TENM4: variants seen among roughly 807,000 people sequenced by gnomAD.
TENM4 encodes teneurin transmembrane protein 4, also known as teneurin-4.
In TENM4, 82 loss-of-function variants were observed where a neutral mutation model predicts 243.3. The observed-to-expected ratio is 0.34, with a 90% CI of 0.28 to 0.40. The LOEUF (loss-of-function observed/expected upper bound fraction) is 0.40, where lower values mean the gene tolerates loss of function less well. Ranked by LOEUF, TENM4 falls within the 10% of genes least tolerant of loss-of-function variation. TENM4 has a pLI of 1.00. For synonymous variants in TENM4, 1,412 were observed against 1,456.3 expected (o/e 0.97, Z 0.69); for missense variants, 3,138 against 3,673.3 (o/e 0.85, Z 3.77).
intron 3 of TENM4, among the ~76,000 whole-genome samples, chr11:79,210,110 T>G (rs901408393): frequency 6.6e-6 from 1 of 152,190 alleles, no homozygotes; most frequent in African/African-American, 2.4e-5. Context: ...TTACTCAATA[T>G]TTACATAGGA....
intron 3 of TENM4, among the ~76,000 whole-genome samples, chr11:79,192,234 C>T (rs1039846810): frequency 4.6e-5 from 7 of 152,162 alleles, no homozygotes; most frequent in African/African-American, 1.7e-4. Flanking sequence ...TGAGGAGCCC[C>T]TCTGCCCGGC....
intron 1 of TENM4, among the ~76,000 whole-genome samples, chr11:79,308,251 G>C (rs1352364875): frequency 6.6e-6 from 1 of 152,172 alleles, no homozygotes; most frequent in Non-Finnish European, 1.5e-5. Flanking sequence ...TCAGAGAAAT[G>C]TTTCTAAATT....
intron 12 of TENM4, among the ~76,000 whole-genome samples, chr11:78,842,189 C>A (rs1294370830): frequency 6.6e-6 from 1 of 152,226 alleles, no homozygotes; most frequent in African/African-American, 2.4e-5. Flanking sequence ...AGCTCAACAA[C>A]TAACTTCCCC....
rs1019333037 is a variant in TENM4, at chr11:79,440,065, G to A, written c.-321+444C>T. 6.6e-6 allele frequency among the ~76,000 whole-genome samples: 1 copy of A among 152,138 alleles called. No homozygotes were observed. The highest frequency in any genetic ancestry group is 6.5e-5 in the Admixed American group (1 of 15,288). On this transcript the variant is annotated intron_variant, in intron 1 of 33. Coordinates refer to ENST00000278550, the MANE Select transcript of TENM4 (RefSeq NM_001098816.3). The surrounding 1 kb of genome is among the most constrained non-coding windows in gnomAD (Gnocchi z 4.7). ...CCCCGCAGGGCAGGCTGCAGCCGCTGAAGCCCGGCGCCGCCTCGCGGGCTC... is the reference window on the plus strand; with the variant it reads ...CCCCGCAGGGCAGGCTGCAGCCGCTAAAGCCCGGCGCCGCCTCGCGGGCTC...
chr11:79,306,122 A>G (rs1223680902), intron 1 of TENM4, among the ~76,000 whole-genome samples: 1 of 152,206 alleles, frequency 6.6e-6, no homozygotes, highest in Non-Finnish European at 1.5e-5. Context: ...AGTCCAATTA[A>G]TTCAATTCCA....
At chr11:79,322,340 T>C (rs1306251451) in intron 1 of TENM4, among the ~76,000 whole-genome samples, 1 of 152,212 alleles carries the variant, frequency 6.6e-6, no homozygotes, top group Non-Finnish European at 1.5e-5. Context: ...TATTCTACTG[T>C]TGCTGTCATT....
At chr11:79,337,757 A>G (rs1156999114) in intron 1 of TENM4, among the ~76,000 whole-genome samples, 2 of 152,198 alleles carry the variant, frequency 1.3e-5, no homozygotes, top group African/African-American at 4.8e-5. Flanking sequence ...TGGACTCTCA[A>G]AAAGATCTCT....
At chr11:79,289,481 C>T (rs1856317535) in intron 2 of TENM4, among the ~76,000 whole-genome samples, 1 of 152,250 alleles carries the variant, frequency 6.6e-6, no homozygotes, top group African/African-American at 2.4e-5. Flanking sequence ...ACAGCTGTCA[C>T]TGCAGTGGGC....
In TENM4 at chr11:78,955,874, C is replaced by T. The variant is rs368205791; in HGVS notation, c.494-52351G>A. Among the ~76,000 whole-genome samples, 25 of 152,272 alleles carry T rather than the reference C, an allele frequency of 1.6e-4. No individual in the cohort carries two copies. The South Asian group carries it at 4.4e-3, about 27-fold the overall frequency. ...CCCCTGTGAGGTTGTCACCACTGCC[C>T]TCAATGCGGGGCCATAATGGTCTGC... On this transcript the variant is annotated intron_variant, in intron 6 of 33. Transcript: ENST00000278550.
Position 79,167,997 on chromosome 11 carries a change from A to G in TENM4, c.-162-19191T>C, listed in dbSNP as rs147332838. ...TTCCCTGTGCAGACTCTCACCCTAG[A>G]CAGTGCCAAGGATGGAAAAAGCATC... On this transcript the variant is annotated intron_variant, in intron 3 of 33. Coordinates refer to ENST00000278550, the MANE Select transcript of TENM4 (RefSeq NM_001098816.3). Among the ~76,000 whole-genome samples the G allele has an allele frequency of 7.2e-4, 110 of 152,336 alleles. 1 individual carries two copies. The highest frequency in any genetic ancestry group is 2.5e-3 in the African/African-American group (105 of 41,586).
intron 15 of TENM4, among the ~76,000 whole-genome samples, chr11:78,800,557 T>C (rs1857260559): frequency 6.6e-6 from 1 of 152,138 alleles, no homozygotes; most frequent in Admixed American, 6.5e-5. Flanking sequence ...TGTGCTGGGA[T>C]CTTCCTGGAC....
intron 6 of TENM4, among the ~76,000 whole-genome samples, chr11:79,034,421 C>T (rs1859324314): frequency 6.6e-6 from 1 of 152,130 alleles, no homozygotes; most frequent in Non-Finnish European, 1.5e-5. Context: ...AAGGCGCAAT[C>T]CTTATTAACC....
chr11:78,668,785 TG>T (rs1225600417), intron 32 of TENM4, among the ~76,000 whole-genome samples, 151 bp downstream of exon 32: 1 of 152,216 alleles, frequency 6.6e-6, no homozygotes, highest in Non-Finnish European at 1.5e-5. Context: ...TCTGAACTAG[TG>T]TTTCTTCAAA....
In TENM4 at chr11:79,186,085, A is replaced by T. The variant is rs1463655755; in HGVS notation, c.-163+29723T>A. 2.0e-5 allele frequency among the ~76,000 whole-genome samples: 3 copies of T among 152,346 alleles called. No homozygotes were observed. In the East Asian group the frequency reaches 5.8e-4, roughly 29 times the overall value. On this transcript the variant is annotated intron_variant, in intron 3 of 33. Transcript: ENST00000278550. ...AGTAATGTGTCCAAGGTAAGGTGGC[A>T]AAGCTAGGATTTAAATCCAGATCTC...
intron 6 of TENM4, among the ~76,000 whole-genome samples, chr11:78,995,761 G>C (rs1253820795): frequency 1.3e-5 from 2 of 151,896 alleles, no homozygotes; most frequent in Non-Finnish European, 2.9e-5. Context: ...GATGCAGAGT[G>C]AGGGTGGCAA....
At chr11:78,989,942 T>C (rs1858001612) in intron 6 of TENM4, among the ~76,000 whole-genome samples, 1 of 151,948 alleles carries the variant, frequency 6.6e-6, no homozygotes, top group Non-Finnish European at 1.5e-5. Flanking sequence ...CATATAATTG[T>C]AGTCCCAGTT....
In TENM4 at chr11:79,030,632, C is replaced by T. The variant is rs540649313; in HGVS notation, c.493+34106G>A. Among the ~76,000 whole-genome samples, 7 of 152,060 alleles carry T rather than the reference C, an allele frequency of 4.6e-5. No individual in the cohort carries two copies. The South Asian group carries it at 8.4e-4, about 18-fold the overall frequency. ...AGCTGCATGCCAAGCAGAGTGAAGC[C>T]GTGTGCTGCTCAGGCAGGACTCTTG... On this transcript the variant is annotated intron_variant, in intron 6 of 33. Coordinates refer to ENST00000278550, the MANE Select transcript of TENM4 (RefSeq NM_001098816.3).
At chr11:79,227,498 G>A (rs2135252956) in intron 2 of TENM4, among the ~76,000 whole-genome samples, 1 of 152,290 alleles carries the variant, frequency 6.6e-6, no homozygotes, top group South Asian at 2.1e-4. Context: ...CAGTGAATAT[G>A]CAAAGACTCT....
intron 6 of TENM4, among the ~76,000 whole-genome samples, chr11:78,988,634 C>G (rs914080331): frequency 2.6e-5 from 4 of 152,130 alleles, no homozygotes; most frequent in Non-Finnish European, 4.4e-5. Context: ...CAATGTGTAG[C>G]CTGGGTTTTA....
Sources: allele counts gnomAD v4.1 joint callset (sites outside exome capture counted in the v4.1 genomes callset), GRCh38; gene constraint gnomAD v4.1.1; non-coding constraint Gnocchi (gnomAD v3.1); transcripts MANE v1.5; gene names NCBI Gene and HGNC (gene_info 2026-07-23, HGNC 2026-07-21).